The following CGNL1 variants were observed in gnomAD, a reference collection of about 807,000 sequenced individuals.
CGNL1 encodes cingulin-like protein 1.
A neutral mutation model predicts 141.2 loss-of-function variants in CGNL1; 132 were observed. The ratio of observed to expected loss-of-function variants is 0.93; its 90% CI spans 0.81 to 1.08. The LOEUF is 1.08. CGNL1 is among the 50% of genes least tolerant of loss of function. The pLI is 0.00. For missense variants in CGNL1, 1,870 were observed against 1,588.6 expected (o/e 1.18, Z -3.01); for synonymous variants, 690 against 622.1 (o/e 1.11, Z -1.63).
At chr15:57,410,901 A>G (rs190880733) in intron 1 of CGNL1, among the ~76,000 whole-genome samples, 5 of 152,330 alleles carry the variant, frequency 3.3e-5, no homozygotes, top group African/African-American at 1.2e-4. Context: ...GTGGGGAAAA[A>G]TCAGATTTGC....
intron 1 of CGNL1, among the ~76,000 whole-genome samples, chr15:57,395,705 A>C (rs558809692): frequency 6.6e-6 from 1 of 152,362 alleles, no homozygotes; most frequent in African/African-American, 2.4e-5. Flanking sequence ...CGCTATGTGC[A>C]TTGCCTAATT....
At chr15:57,485,704 A>G (rs1250529516) in intron 8 of CGNL1, among the ~76,000 whole-genome samples, 1 of 152,266 alleles carries the variant, frequency 6.6e-6, no homozygotes, top group African/African-American at 2.4e-5. Flanking sequence ...ATTAAATTGA[A>G]CAATGCATAA....
chr15:57,443,540 C>T (rs528042498), intron 4 of CGNL1, among the ~76,000 whole-genome samples: 3 of 152,288 alleles, frequency 2.0e-5, no homozygotes, highest in South Asian at 4.1e-4. Context: ...TAATTTTAGG[C>T]GTCAACCTAC....
intron 8 of CGNL1, among the ~76,000 whole-genome samples, chr15:57,477,904 G>A (rs978610151): frequency 1.3e-5 from 2 of 152,206 alleles, no homozygotes; most frequent in African/African-American, 4.8e-5. Context: ...TGGCTGGCAG[G>A]TGGTGAACTC....
chr15:57,448,689 C>G (rs1168833124), intron 4 of CGNL1, among the ~76,000 whole-genome samples: 1 of 151,828 alleles, frequency 6.6e-6, no homozygotes, highest in Non-Finnish European at 1.5e-5. Context: ...ATAATTGTTT[C>G]TATTTTAAAA....
At chr15:57,396,158 T>G (rs910199223) in intron 1 of CGNL1, among the ~76,000 whole-genome samples, 1 of 152,244 alleles carries the variant, frequency 6.6e-6, no homozygotes, top group Non-Finnish European at 1.5e-5. Context: ...TTGCTACATT[T>G]CTTATTGTAT....
chr15:57,400,861 C>T (rs958504140), intron 1 of CGNL1, among the ~76,000 whole-genome samples: 7 of 122,138 alleles, frequency 5.7e-5, no homozygotes, highest in Middle Eastern at 6.3e-3. Context: ...CCAGCCTAGG[C>T]GACAGAATGA....
chr15:57,452,901 A>G (rs1474488424), intron 6 of CGNL1, among the ~76,000 whole-genome samples: 2 of 152,230 alleles, frequency 1.3e-5, no homozygotes, highest in Non-Finnish European at 2.9e-5. Flanking sequence ...GGGGAAGTTC[A>G]AGAAAAAGAG....
rs980151743 is a variant in CGNL1 at position 57,549,511 on chromosome 15, G to T, written c.*2021G>T. The stretch of plus-strand genomic sequence containing the variant: ...GCCAAGCCCCTTCCACATCTACAGG[G>T]TCACTGTCATCCTCACCACAGCCAG... On this transcript the variant is annotated 3_prime_UTR_variant, in exon 19 of 19. Transcript: ENST00000281282. 1 of 152,146 alleles carries T rather than the reference G, an allele frequency of 6.6e-6. No individual in the cohort carries two copies. The highest frequency in any genetic ancestry group is 1.5e-5 in the Non-Finnish European group (1 of 68,050). The allele number at this position is 152,146 out of a possible 1,614,324, so 9.4% of individuals were successfully genotyped here. A position where few individuals can be genotyped will look rare whatever the true frequency, so the allele number is the denominator to read the frequency against.
rs117127912 is a variant in CGNL1, at chr15:57,426,911, C to G, written c.-15-11074C>G. ...TATATAGATCTGTGATGCCAGGGAG[C>G]CTGGGGCAGAAGATGAAGGCTGGAA... On this transcript the variant is annotated intron_variant, in intron 1 of 18. Transcript: ENST00000281282. Among the ~76,000 whole-genome samples, 664 of 152,146 alleles carry G rather than the reference C, an allele frequency of 4.4e-3. 3 individuals are homozygous for G. Among genetic ancestry groups the G allele is most frequent in the Non-Finnish European group, 6.6e-3 (451 of 68,016 alleles).
chr15:57,497,522 G>T (rs2063958025), intron 8 of CGNL1, among the ~76,000 whole-genome samples: 1 of 152,214 alleles, frequency 6.6e-6, no homozygotes, highest in Admixed American at 6.5e-5. Flanking sequence ...GTAAAAGTCT[G>T]CAGACAAGGG....
At chr15:57,412,090 G>A (rs1372760962) in intron 1 of CGNL1, among the ~76,000 whole-genome samples, 6 of 152,212 alleles carry the variant, frequency 3.9e-5, no homozygotes, top group African/African-American at 1.4e-4. Context: ...TGCCAAGAGG[G>A]CAACCAGCTG....
chr15:57,501,259 C>A (rs1175223873), intron 8 of CGNL1, among the ~76,000 whole-genome samples: 1 of 152,200 alleles, frequency 6.6e-6, no homozygotes. Flanking sequence ...ACCTATGAGC[C>A]CCTAAGCAAG....
intron 1 of CGNL1, among the ~76,000 whole-genome samples, chr15:57,385,758 T>C (rs1200667345): frequency 5.3e-5 from 8 of 152,224 alleles, no homozygotes; most frequent in African/African-American, 1.9e-4. Context: ...CGGGGGTACA[T>C]TTGACAATAT....
At chr15:57,458,235 C>CA (rs1220703156) in intron 7 of CGNL1, among the ~76,000 whole-genome samples, 6 of 152,158 alleles carry the variant, frequency 3.9e-5, no homozygotes, top group Non-Finnish European at 8.8e-5. Flanking sequence ...CATAGAGAGG[C>CA]AAGTTGACCT....
chr15:57,455,228 A>G (rs1440035244), intron 7 of CGNL1, among the ~76,000 whole-genome samples: 3 of 152,092 alleles, frequency 2.0e-5, no homozygotes, highest in African/African-American at 7.2e-5. Context: ...TTTTACATTT[A>G]TACTTTTACT....
chr15:57,475,446 C>T (rs1368305553), intron 8 of CGNL1, among the ~76,000 whole-genome samples: 1 of 151,902 alleles, frequency 6.6e-6, no homozygotes, highest in African/African-American at 2.4e-5. Flanking sequence ...CCCAAAATGT[C>T]AATCATGTCA....
intron 11 of CGNL1, 128 bp from the exon 12 acceptor site, chr15:57,524,453 G>A: frequency 1.2e-6 from 1 of 868,264 alleles, no homozygotes; most frequent in Non-Finnish European, 1.8e-6. Context: ...AGGATCAGGT[G>A]CTGGGCCATC....
rs2032937957 is a variant in CGNL1, at chr15:57,547,570, A to G, written c.*80A>G. ...CAAAGTGGGAGGCAGGGAGGGGAGC[A>G]TCTGTCTGCCACTGAGACCAATCAC... On this transcript the variant is annotated 3_prime_UTR_variant, in exon 19 of 19. Coordinates refer to ENST00000281282, the MANE Select transcript of CGNL1 (RefSeq NM_032866.5). The G allele has an allele frequency of 6.6e-7, 1 of 1,515,282 alleles. No homozygotes were observed. 93.9% of individuals were successfully genotyped at this position (1,515,282 alleles called of 1,614,324 possible).
Sources: gnomAD v4.1 joint callset for allele counts (sites outside exome capture counted in the v4.1 genomes callset) on GRCh38, gnomAD v4.1.1 for gene constraint, MANE v1.5 for transcripts, NCBI Gene and HGNC (gene_info 2026-07-23, HGNC 2026-07-21) for gene names.